The following TBL1X variants were observed in gnomAD, a reference collection of about 807,000 sequenced individuals.
The protein encoded by TBL1X is F-box-like/WD repeat-containing protein TBL1X.
TBL1X carries 10 observed loss-of-function variants against 50.7 expected under a neutral mutation model. The ratio of observed to expected loss-of-function variants is 0.20; its 90% CI spans 0.12 to 0.33. The LOEUF is 0.33. Ranked by LOEUF, TBL1X falls within the 10% of genes least tolerant of loss-of-function variation. The pLI, the probability that TBL1X is intolerant of heterozygous loss-of-function variation, is 1.00. For missense variants in TBL1X, 340 were observed against 504.4 expected (o/e 0.67, Z 3.12); for synonymous variants, 190 against 214.7 (o/e 0.88, Z 1.01).
chrX:9,504,199 A>G (rs191112809), intron 2 of TBL1X, among the ~76,000 whole-genome samples: 5 of 111,804 alleles, frequency 4.5e-5, no homozygotes, highest in African/African-American at 1.6e-4. Flanking sequence ...GCCCTACAGA[A>G]GAGGGACTGG....
intron 2 of TBL1X, among the ~76,000 whole-genome samples, chrX:9,518,343 G>T (rs972793175): frequency 9.0e-6 from 1 of 111,456 alleles, no homozygotes; most frequent in African/African-American, 3.3e-5. Flanking sequence ...GTGCTTGAAG[G>T]CACGTACCAT....
chrX:9,635,051 G>A, intron 2 of TBL1X, among the ~76,000 whole-genome samples: 1 of 111,723 alleles, frequency 9.0e-6, no homozygotes, highest in Non-Finnish European at 1.9e-5. Flanking sequence ...CCTAAAGGCA[G>A]GATGGGGGCT....
At chrX:9,586,812 A>G (rs1174476759) in intron 2 of TBL1X, among the ~76,000 whole-genome samples, 1 of 111,473 alleles carries the variant, frequency 9.0e-6, no homozygotes, top group Admixed American at 9.5e-5. Context: ...AGGCAGGAGG[A>G]TCGTTTGAGC....
intron 13 of TBL1X, among the ~76,000 whole-genome samples, chrX:9,705,437 G>A (rs1171379237): frequency 1.8e-5 from 2 of 110,816 alleles, no homozygotes; most frequent in African/African-American, 6.5e-5. Flanking sequence ...CACATCTGCA[G>A]TGAATAGAAA....
chrX:9,630,258 G>C (rs936874301), intron 2 of TBL1X, among the ~76,000 whole-genome samples: 1 of 111,690 alleles, frequency 9.0e-6, no homozygotes, highest in Non-Finnish European at 1.9e-5. Flanking sequence ...TCGATGTTTC[G>C]TTTCTTTTTA....
chrX:9,544,900 T>G (rs1306492941), intron 2 of TBL1X, among the ~76,000 whole-genome samples: 1 of 111,272 alleles, frequency 9.0e-6, no homozygotes, highest in African/African-American at 3.3e-5. Flanking sequence ...CGGACTTAAT[T>G]GGGTATTTTG....
chrX:9,647,672 G>A (rs1333384740), intron 3 of TBL1X, among the ~76,000 whole-genome samples: 1 of 112,160 alleles, frequency 8.9e-6, no homozygotes, highest in African/African-American at 3.2e-5. Flanking sequence ...CCGGTTAGGT[G>A]TTAGAATGCG....
chrX:9,509,223 T>TA (rs1176219555), intron 2 of TBL1X, among the ~76,000 whole-genome samples: 43 of 104,227 alleles, frequency 4.1e-4, no homozygotes, highest in Non-Finnish European at 4.7e-4. Flanking sequence ...CCGTCTCTAC[T>TA]AAAAAAAAAT....
At chrX:9,589,625 T>C (rs2082489067) in intron 2 of TBL1X, among the ~76,000 whole-genome samples, 1 of 111,449 alleles carries the variant, frequency 9.0e-6, no homozygotes, top group African/African-American at 3.3e-5. Context: ...TCATCCATGA[T>C]TGAATTCAGG....
chrX:9,664,825 C>T (rs1454874935), intron 5 of TBL1X, among the ~76,000 whole-genome samples: 1 of 110,953 alleles, frequency 9.0e-6, no homozygotes, highest in Non-Finnish European at 1.9e-5. Flanking sequence ...TTGACAATGG[C>T]GGCTGGATTG....
At chrX:9,593,725 C>T (rs1439553824) in intron 2 of TBL1X, among the ~76,000 whole-genome samples, 1 of 111,310 alleles carries the variant, frequency 9.0e-6, no homozygotes, top group East Asian at 2.8e-4. Flanking sequence ...CCCATCCTTC[C>T]GCCCCACTTC....
intron 2 of TBL1X, among the ~76,000 whole-genome samples, chrX:9,631,424 C>T (rs142831715): frequency 2.1e-4 from 24 of 112,342 alleles, no homozygotes; most frequent in African/African-American, 7.8e-4. Context: ...CCTTTTTCCT[C>T]GGTTCCTGTG....
intron 1 of TBL1X, among the ~76,000 whole-genome samples, chrX:9,500,136 G>A (rs1451340122): frequency 9.2e-6 from 1 of 108,638 alleles, no homozygotes; most frequent in Non-Finnish European, 1.9e-5. Context: ...AATTAGCCAG[G>A]CATGGTGGTG....
chrX:9,650,691 G>A (rs1363854951), intron 3 of TBL1X, among the ~76,000 whole-genome samples: 5 of 111,755 alleles, frequency 4.5e-5, no homozygotes, highest in Non-Finnish European at 7.5e-5. Context: ...AAGCTATAGC[G>A]CTCTGCTCTT....
At chrX:9,617,325 G>C (rs928840845) in intron 2 of TBL1X, among the ~76,000 whole-genome samples, 2 of 111,569 alleles carry the variant, frequency 1.8e-5, no homozygotes, top group African/African-American at 6.5e-5. Flanking sequence ...TCAGGGAGCA[G>C]AACAGGGCAG....
intron 1 of TBL1X, among the ~76,000 whole-genome samples, chrX:9,497,025 T>C (rs1357253125): frequency 5.4e-5 from 6 of 112,003 alleles, no homozygotes; most frequent in African/African-American, 1.9e-4. Flanking sequence ...GCATCTGAAG[T>C]GATGGGAATA....
chrX:9,658,694 A>T (rs1326018696), intron 5 of TBL1X, among the ~76,000 whole-genome samples: 1 of 112,138 alleles, frequency 8.9e-6, no homozygotes, highest in Non-Finnish European at 1.9e-5. Context: ...GGTATGAGGA[A>T]TACAGGGGGA....
intron 7 of TBL1X, 140 bp from the exon 8 acceptor site, chrX:9,691,435 CAAAA>C (rs367934787): frequency 2.3e-3 from 838 of 357,932 alleles, no homozygotes; most frequent in Admixed American, 3.4e-3. Context: ...GATTCCGTCT[CAAAA>C]AAAAAAAAAA....
chrX:9,675,891 CAA>C (rs1175476577), intron 5 of TBL1X, among the ~76,000 whole-genome samples: 12 of 58,236 alleles, frequency 2.1e-4, no homozygotes, highest in Admixed American at 2.1e-4. Context: ...AACTCTGTCT[CAA>C]AAAAAAAAAA....
Sources: gnomAD v4.1 joint callset for allele counts (sites outside exome capture counted in the v4.1 genomes callset) on GRCh38, gnomAD v4.1.1 for gene constraint, MANE v1.5 for transcripts, NCBI Gene and HGNC (gene_info 2026-07-23, HGNC 2026-07-21) for gene names.